Variants in SUGCT observed in about 807,000 individuals in gnomAD.
SUGCT encodes succinyl-CoA:glutarate-CoA transferase.
Under a neutral mutation model 55.0 loss-of-function variants are expected in SUGCT, and 41 were observed. The ratio of observed to expected loss-of-function variants is 0.74; its 90% CI spans 0.58 to 0.97. The LOEUF (loss-of-function observed/expected upper bound fraction) is 0.97. Ranked by LOEUF, SUGCT falls within the 50% of genes least tolerant of loss-of-function variation. The pLI is 0.00. For missense variants in SUGCT, 568 were observed against 547.8 expected (o/e 1.04, Z -0.37); for synonymous variants, 187 against 200.4 (o/e 0.93, Z 0.56).
the SUGCT span, among the ~76,000 whole-genome samples, chr7:40,993,244 A>G: frequency 6.6e-6 from 1 of 152,084 alleles, no homozygotes. Flanking sequence ...AAGTCTTTCT[A>G]CTACCCACTA....
chr7:40,328,083 C>T (rs1796107234), intron 9 of SUGCT, among the ~76,000 whole-genome samples: 1 of 152,154 alleles, frequency 6.6e-6, no homozygotes, highest in Non-Finnish European at 1.5e-5. Flanking sequence ...CATTTTCTAT[C>T]TTTATCCTAC....
chr7:40,471,957 TG>T, intron 11 of SUGCT, among the ~76,000 whole-genome samples: 1 of 152,258 alleles, frequency 6.6e-6, no homozygotes, highest in Middle Eastern at 3.4e-3. Flanking sequence ...TGAAAAGTAT[TG>T]TCTTACTAGA....
chr7:40,744,758 A>G (rs1787644450), intron 12 of SUGCT, among the ~76,000 whole-genome samples: 1 of 152,226 alleles, frequency 6.6e-6, no homozygotes, highest in Non-Finnish European at 1.5e-5. Flanking sequence ...GCTGAGCAGC[A>G]CCTGCTGTTA....
chr7:40,208,937 T>G (rs1463248265), intron 6 of SUGCT, among the ~76,000 whole-genome samples: 34 of 152,236 alleles, frequency 2.2e-4, no homozygotes. Context: ...GGATACATAC[T>G]TGTTATTTGC....
chr7:40,928,347 C>T, the SUGCT span, among the ~76,000 whole-genome samples: 81 of 152,120 alleles, frequency 5.3e-4, no homozygotes, highest in Admixed American at 1.1e-3. Context: ...TTTAAAACAT[C>T]TTTTCCTTTT....
chr7:40,345,331 A>G (rs1356088465), intron 9 of SUGCT, among the ~76,000 whole-genome samples: 1 of 152,200 alleles, frequency 6.6e-6, no homozygotes, highest in Non-Finnish European at 1.5e-5. Flanking sequence ...GGTGTTGTCA[A>G]TGTCACAAAT....
At chr7:40,530,006 A>G (rs1253112408) in intron 12 of SUGCT, among the ~76,000 whole-genome samples, 1 of 152,016 alleles carries the variant, frequency 6.6e-6, no homozygotes, top group Non-Finnish European at 1.5e-5. Flanking sequence ...AAGATTTTTT[A>G]CCTAATTGCT....
chr7:40,434,840 A>G (rs765744129), intron 9 of SUGCT, among the ~76,000 whole-genome samples: 18 of 152,106 alleles, frequency 1.2e-4, no homozygotes, highest in Admixed American at 3.3e-4. Context: ...ATGTCTATAC[A>G]TATATCAGAT....
intron 13 of SUGCT, among the ~76,000 whole-genome samples, chr7:40,839,847 T>G (rs568282402): frequency 7.1e-6 from 1 of 140,144 alleles, no homozygotes; most frequent in South Asian, 2.3e-4. Context: ...ACAGTAAGTT[T>G]GACTCCCCAG....
intron 9 of SUGCT, among the ~76,000 whole-genome samples, chr7:40,439,076 A>ATGTG (rs1215528531): frequency 1.2e-5 from 1 of 84,272 alleles, no homozygotes; most frequent in Admixed American, 1.2e-4. Flanking sequence ...ATATATATAT[A>ATGTG]TATATATATA....
At chr7:40,986,460 A>T in the SUGCT span, among the ~76,000 whole-genome samples, 1 of 152,292 alleles carries the variant, frequency 6.6e-6, no homozygotes, top group East Asian at 1.9e-4. Context: ...CATCTATTAC[A>T]CAGTAAAACA....
At chr7:40,491,446 A>G (rs1248604354) in intron 11 of SUGCT, among the ~76,000 whole-genome samples, 2 of 152,182 alleles carry the variant, frequency 1.3e-5, no homozygotes, top group South Asian at 2.1e-4. Context: ...GAGGAATCCT[A>G]GGTTTATGAA....
the SUGCT span, among the ~76,000 whole-genome samples, chr7:41,021,888 A>G: frequency 6.6e-6 from 1 of 152,178 alleles, no homozygotes; most frequent in African/African-American, 2.4e-5. Flanking sequence ...AAATCTGGGA[A>G]ATAACCTAGA....
chr7:40,980,837 C>G, the SUGCT span, among the ~76,000 whole-genome samples: 1 of 152,140 alleles, frequency 6.6e-6, no homozygotes. Flanking sequence ...GCTGGGACCA[C>G]AGGCACACAC....
intron 7 of SUGCT, among the ~76,000 whole-genome samples, chr7:40,249,346 T>TATATATATATATAA (rs1219733878): frequency 1.7e-4 from 22 of 129,822 alleles, no homozygotes; most frequent in South Asian, 2.3e-4. Context: ...TATATATATA[T>TATATATATATATAA]AATTATATTA....
the SUGCT span, among the ~76,000 whole-genome samples, chr7:41,027,093 T>A: frequency 3.3e-5 from 5 of 152,214 alleles, no homozygotes; most frequent in Admixed American, 3.3e-4. Context: ...TTCTAGATGT[T>A]TCTAGATGTC....
intron 12 of SUGCT, among the ~76,000 whole-genome samples, chr7:40,510,433 C>A (rs1423319961): frequency 1.3e-5 from 2 of 152,074 alleles, no homozygotes; most frequent in Non-Finnish European, 2.9e-5. Context: ...GTGAGGGAAA[C>A]CAGAATTTTC....
chr7:40,623,704 A>G (rs1252014703), intron 12 of SUGCT, among the ~76,000 whole-genome samples: 8 of 152,146 alleles, frequency 5.3e-5, no homozygotes, highest in Non-Finnish European at 1.2e-4. Context: ...GATCACACAC[A>G]TGTGCACGCA....
intron 12 of SUGCT, among the ~76,000 whole-genome samples, chr7:40,653,310 TA>T (rs1217837161): frequency 6.6e-6 from 1 of 152,150 alleles, no homozygotes; most frequent in Non-Finnish European, 1.5e-5. Flanking sequence ...TCTGGTAAAA[TA>T]AAAAAGGGTT....
Sources: gnomAD v4.1 joint callset for allele counts (sites outside exome capture counted in the v4.1 genomes callset) on GRCh38, gnomAD v4.1.1 for gene constraint, MANE v1.5 for transcripts, NCBI Gene and HGNC (gene_info 2026-07-23, HGNC 2026-07-21) for gene names.